SSC5D: variants seen among roughly 807,000 people sequenced by gnomAD.
SSC5D encodes soluble scavenger receptor cysteine-rich domain-containing protein SSC5D.
SSC5D carries 106 observed loss-of-function variants against 104.6 expected under a neutral mutation model. The observed-to-expected ratio is 1.01, with a 90% CI of 0.87 to 1.19. The LOEUF is 1.19. Ranked by LOEUF, SSC5D falls within the 50% of genes most tolerant of loss-of-function variation. The pLI is 0.00. For synonymous variants in SSC5D, 860 were observed against 883.5 expected (o/e 0.97, Z 0.47); for missense variants, 1,993 against 2,153.8 (o/e 0.93, Z 1.48).
intron 12 of SSC5D, among the ~76,000 whole-genome samples, chr19:55,508,664 GGA>G (rs1987690852): frequency 9.6e-6 from 1 of 103,804 alleles, no homozygotes; most frequent in South Asian, 2.5e-4. Context: ...CATCCACAGG[GGA>G]TGGGGGGAGG....
At position 55,490,348 on chromosome 19, in the gene SSC5D, C is replaced by T. The variant is rs552001667; in HGVS notation, c.526C>T (p.Arg176Trp). 141 of 1,515,172 alleles carry T rather than the reference C, an allele frequency of 9.3e-5. No homozygotes were observed. Among genetic ancestry groups the T allele is most frequent in the Admixed American group, 5.7e-4 (28 of 49,390 alleles). The allele number at this position is 1,515,172 out of a possible 1,614,324, so 93.9% of individuals were successfully genotyped here. ...GAACGCCTCCCGGAAGAAGAGCCCC[C>T]GGCCCAAGCAGGCCAAGTCCACCCG... Reference protein sequence around the residue: ...PQNASRKKSPRPKQAKSTRAP... With the variant: ...PQNASRKKSPWPKQAKSTRAP... The change falls in exon 5 of 14, where the codon CGG (arginine) becomes TGG (tryptophan). Residue 176 changes from arginine (R) to tryptophan (W), a missense_variant. By Grantham distance (101) the Arg-to-Trp change is moderately radical (BLOSUM62 -3). Around this residue, in one of 6 missense-constraint regions of SSC5D, gnomAD observed 1,101 missense variants for 1,085.0 expected, o/e 1.01. Transcript: ENST00000389623.
At chr19:55,499,762 G>A (rs1368572601) in intron 9 of SSC5D, 54 bp from the exon 10 acceptor site, 2 of 1,413,056 alleles carry the variant, frequency 1.4e-6, no homozygotes, top group African/African-American at 2.9e-5. Context: ...CTGGGTAGAT[G>A]ATCTTGTCAT....
At position 55,494,646 on chromosome 19, in the gene SSC5D, C is replaced by G; in HGVS notation, c.1250C>G (p.Thr417Arg). ...PLGYVPPTAP[T>R]DSNNSTPREA... is the part of the protein sequence containing the mutation. Reference sequence around the variant, plus strand: ...GGCTACGTCCCTCCCACGGCCCCCACGGACAGCAACAACTCCACGCCCAGG... The same window carrying G: ...GGCTACGTCCCTCCCACGGCCCCCAGGGACAGCAACAACTCCACGCCCAGG... Residue 417 changes from threonine (T) to arginine (R), a missense_variant, in exon 8 of 14, where the codon ACG (threonine) becomes AGG (arginine). By Grantham distance (71) the Thr-to-Arg change is moderately conservative. Around this residue, in one of 6 missense-constraint regions of SSC5D, gnomAD observed 1,101 missense variants for 1,085.0 expected, o/e 1.01. Coordinates refer to ENST00000389623, the MANE Select transcript of SSC5D (RefSeq NM_001144950.2). The G allele has an allele frequency of 1.3e-6, 2 of 1,546,170 alleles. No homozygotes were observed. The highest frequency in any genetic ancestry group is 2.4e-5 in the South Asian group (2 of 83,464).
At chr19:55,496,597 A>C (rs1476521075) in intron 8 of SSC5D, among the ~76,000 whole-genome samples, 1 of 152,172 alleles carries the variant, frequency 6.6e-6, no homozygotes, top group East Asian at 1.9e-4. Flanking sequence ...TGTGGTGTGG[A>C]TACTGATAGG....
intron 6 of SSC5D, among the ~76,000 whole-genome samples, chr19:55,493,304 GCT>G (rs1174953016): frequency 6.6e-6 from 1 of 152,142 alleles, no homozygotes; most frequent in African/African-American, 2.4e-5. Flanking sequence ...TGGAAATCCG[GCT>G]CTCTAGGATC....
Position 55,503,108 on chromosome 19 carries a change from C to T in SSC5D, c.2785+1907C>T, listed in dbSNP as rs956622598. Among the ~76,000 whole-genome samples, 4 of 151,812 alleles carry T rather than the reference C, an allele frequency of 2.6e-5. No individual in the cohort carries two copies. Among genetic ancestry groups the T allele is most frequent in the African/African-American group, 7.3e-5 (3 of 41,302 alleles). On this transcript the variant is annotated intron_variant, in intron 12 of 13. Coordinates refer to ENST00000389623, the MANE Select transcript of SSC5D (RefSeq NM_001144950.2). The surrounding 1 kb of genome is among the most constrained non-coding windows in gnomAD (Gnocchi z 4.0). ...GATTACAGGGGTGAGCCACTGCTCCCGGCCTGATTTTTTGTCGAGATGGGT... is the reference window on the plus strand; with the variant it reads ...GATTACAGGGGTGAGCCACTGCTCCTGGCCTGATTTTTTGTCGAGATGGGT...
rs1433533562 is a variant in SSC5D, at chr19:55,518,388, C to G, written c.4112C>G (p.Pro1371Arg). The change falls in exon 14 of 14, where the codon CCT (proline) becomes CGT (arginine). Residue 1371 changes from proline to arginine, a missense_variant. Physicochemically the swap from Pro to Arg is moderately radical, Grantham distance 103 (BLOSUM62 -2). This residue lies in a region of SSC5D where 349 missense variants were observed against 397.6 expected (regional missense o/e 0.88). Coordinates refer to ENST00000389623, the MANE Select transcript of SSC5D (RefSeq NM_001144950.2). ...SLHPQLTFTA[P>R]APHTSTSQIP... ...CACCCCCAGTTGACCTTCACAGCAC[C>G]TGCCCCTCACACCTCCACATCCCAG... 1 of 1,551,258 alleles carries G rather than the reference C, an allele frequency of 6.4e-7. No individual in the cohort carries two copies. Among genetic ancestry groups the G allele is most frequent in the African/African-American group, 1.4e-5 (1 of 72,950 alleles).
At chr19:55,489,134 C>A in intron 2 of SSC5D, 102 bp downstream of exon 2, 1 of 957,284 alleles carries the variant, frequency 1.0e-6, no homozygotes, top group Non-Finnish European at 1.5e-6. Context: ...CCGGCCCATC[C>A]GAATTCCACT....
intron 13 of SSC5D, among the ~76,000 whole-genome samples, chr19:55,514,270 TG>T (rs1987818231): frequency 6.6e-6 from 1 of 151,816 alleles, no homozygotes; most frequent in African/African-American, 2.4e-5. Context: ...CCAGGCGTGG[TG>T]GTAGGCACCT....
chr19:55,502,875 G>A (rs1296317360), intron 12 of SSC5D, among the ~76,000 whole-genome samples: 1 of 151,926 alleles, frequency 6.6e-6, no homozygotes, highest in Non-Finnish European at 1.5e-5. Context: ...GAGTGCAGTG[G>A]CGTGGTCTCG....
rs750780205 is a variant in SSC5D at position 55,517,358 on chromosome 19, C to A, written c.3082C>A (p.Arg1028=). ...CCCAGCGCTGACCTCTGACTCCAGT[C>A]GAGAGCTCACTCCCCACTCAGCCTT... is the stretch of plus-strand genomic sequence containing the variant. ...PGPALTSDSS[R]ELTPHSALTS... The change falls in exon 14 of 14, where the codon CGA becomes AGA. Residue 1028 remains arginine, a synonymous_variant. Transcript: ENST00000389623. 6.4e-7 allele frequency: 1 copy of A among 1,550,434 alleles called. No homozygotes were observed. The highest frequency in any genetic ancestry group is 1.2e-5 in the South Asian group (1 of 84,044).
chr19:55,502,468 A>G (rs1304736356), intron 12 of SSC5D, among the ~76,000 whole-genome samples: 1 of 150,440 alleles, frequency 6.6e-6, no homozygotes, highest in Non-Finnish European at 1.5e-5. Flanking sequence ...TTTCGTGGTC[A>G]GTTTCTCTTT....
chr19:55,494,545 TGG>T (rs1364936691), intron 7 of SSC5D, 63 bp from the exon 8 acceptor site: 15 of 1,430,096 alleles, frequency 1.0e-5, no homozygotes, highest in Non-Finnish European at 1.3e-5. Context: ...ACGCAGGAGG[TGG>T]GGGTGCCGGC....
chr19:55,490,742 C>A, intron 5 of SSC5D, 30 bp from the exon 6 acceptor site: 1 of 1,456,316 alleles, frequency 6.9e-7, no homozygotes, highest in Non-Finnish European at 9.0e-7. Context: ...TCTCACTGGC[C>A]ACACCGTCCC....
At position 55,513,170 on chromosome 19, in the gene SSC5D, C is replaced by T; in HGVS notation, c.2945C>T (p.Thr982Ile). ...SPPTLRVHGDTGSPRKPWPER... is the reference protein window; with the variant it reads ...SPPTLRVHGDIGSPRKPWPER... Reference sequence around the variant, plus strand: ...CCAACTCTGAGAGTCCATGGAGACACAGGTGAGACACGTGGCTGGGGTGAG... The same window carrying T: ...CCAACTCTGAGAGTCCATGGAGACATAGGTGAGACACGTGGCTGGGGTGAG... The change falls in exon 13 of 14, where the codon ACA (threonine) becomes ATA (isoleucine). Residue 982 changes from threonine to isoleucine, a missense_variant and splice_region_variant. Thr to Ile is a moderately conservative substitution (Grantham distance 89). Coordinates refer to ENST00000389623, the MANE Select transcript of SSC5D (RefSeq NM_001144950.2). 2 of 1,493,698 alleles carry T rather than the reference C, an allele frequency of 1.3e-6. No individual in the cohort carries two copies. The highest frequency in any genetic ancestry group is 1.8e-6 in the Non-Finnish European group (2 of 1,118,006). 92.5% of individuals were successfully genotyped at this position (1,493,698 alleles called of 1,614,324 possible). A position where few individuals can be genotyped will look rare whatever the true frequency, so the allele number is the denominator to read the frequency against.
intron 8 of SSC5D, among the ~76,000 whole-genome samples, chr19:55,495,865 C>T (rs191423829): frequency 3.3e-5 from 5 of 151,018 alleles, no homozygotes; most frequent in Admixed American, 3.3e-4. Context: ...ACCTCCGCCT[C>T]CTGGGTAACA....
In SSC5D at chr19:55,489,067, C is replaced by G. The variant is rs1463733472; in HGVS notation, c.52+35C>G. 3.7e-5 allele frequency: 38 copies of G among 1,037,460 alleles called. 1 individual carries two copies. In the Middle Eastern group the frequency reaches 1.3e-3, roughly 35 times the overall value. 64.3% of individuals were successfully genotyped at this position (1,037,460 alleles called of 1,614,324 possible). On this transcript the variant is annotated intron_variant, in intron 2 of 13. Coordinates refer to ENST00000389623, the MANE Select transcript of SSC5D (RefSeq NM_001144950.2). ...CAGACTCCTCCCATCTGCCCGCCCC[C>G]CCCCCCAGGCCTCCCCCTTCTGCCC...
At chr19:55,490,437 C>G in intron 5 of SSC5D, 29 bp downstream of exon 5, 2 of 738,466 alleles carry the variant, frequency 2.7e-6, no homozygotes, top group Non-Finnish European at 4.5e-6. Context: ...CCCCCGACCC[C>G]AAGGCTGGTT....
intron 9 of SSC5D, among the ~76,000 whole-genome samples, chr19:55,499,164 A>G (rs1034671874): frequency 9.9e-5 from 15 of 152,208 alleles, no homozygotes; most frequent in African/African-American, 3.6e-4. Context: ...CCAGGGAAAA[A>G]AATCTCTTAT....
Sources: allele counts gnomAD v4.1 joint callset (sites outside exome capture counted in the v4.1 genomes callset), GRCh38; gene constraint gnomAD v4.1.1; regional missense constraint gnomAD v4.1.1; non-coding constraint Gnocchi (gnomAD v3.1); transcripts MANE v1.5; gene names NCBI Gene and HGNC (gene_info 2026-07-23, HGNC 2026-07-21).